Variants in CDH2 observed in about 807,000 individuals in gnomAD.
CDH2 encodes cadherin-2.
CDH2 carries 17 observed loss-of-function variants against 92.0 expected under a neutral mutation model. That is an observed-to-expected ratio of 0.18 (90% CI 0.13 to 0.28). The LOEUF (loss-of-function observed/expected upper bound fraction) is 0.28, where lower values mean the gene tolerates loss of function less well. CDH2 is among the 10% of genes least tolerant of loss of function. CDH2 has a pLI of 1.00. For synonymous variants in CDH2, 419 were observed against 415.9 expected, an observed-to-expected ratio of 1.01 and a Z score of -0.09; for missense variants, 862 against 1,133.1, an observed-to-expected ratio of 0.76 and a Z score of 3.44.
chr18:28,045,450 C>T (rs1361748676), intron 2 of CDH2: 2 of 467,722 alleles, frequency 4.3e-6, no homozygotes, highest in African/African-American at 2.0e-5. Context: ...AATGTGGCCA[C>T]AGCCTAAAAG....
chr18:28,115,713 G>A (rs1294253662), intron 2 of CDH2, among the ~76,000 whole-genome samples: 1 of 152,078 alleles, frequency 6.6e-6, no homozygotes, highest in East Asian at 1.9e-4. Flanking sequence ...TTAAAATGAT[G>A]ACTTCCATTT....
At chr18:28,030,647 GAC>G (rs1333622323) in intron 2 of CDH2, among the ~76,000 whole-genome samples, 8 of 152,020 alleles carry the variant, frequency 5.3e-5, no homozygotes, top group Admixed American at 4.6e-4. Context: ...ACATGAAGGT[GAC>G]AGGAAGCTGG....
rs17493807 is a variant in CDH2, at chr18:28,022,589, T to C, written c.173-8680A>G. On this transcript the variant is annotated intron_variant, in intron 2 of 15. Transcript: ENST00000269141. ...TTTCTCCAAATAATAGAAAGTTCTT[T>C]CTTGTCATGAGCCATGAGGGCTAAA... Among the ~76,000 whole-genome samples the C allele has an allele frequency of 9.1e-3, 1,385 of 152,170 alleles. 29 individuals carry two copies. The highest frequency in any genetic ancestry group is 0.032 in the African/African-American group (1,328 of 41,544).
rs1425603769 is a variant in CDH2 at position 28,007,490 on chromosome 18, ATCCTTTT to A, written c.703-1504_703-1498del. 5.2e-4 allele frequency among the ~76,000 whole-genome samples: 79 copies of A among 152,074 alleles called. 1 individual carries two copies. The highest frequency in any genetic ancestry group is 1.9e-3 in the African/African-American group (78 of 41,506). On this transcript the variant is annotated intron_variant, in intron 5 of 15. Transcript: ENST00000269141. ...ATCAAATTAAAAAAAGCTTCAACAT[ATCCTTTT>A]TTAAATTCAGAGGTTATTTAAACAC...
At chr18:27,986,676 A>G (rs369064517) in intron 11 of CDH2, among the ~76,000 whole-genome samples, 48 of 152,334 alleles carry the variant, frequency 3.2e-4, no homozygotes, top group Middle Eastern at 3.4e-3. Flanking sequence ...GAAGGTGCAC[A>G]TACATACACA....
At chr18:28,048,241 G>A (rs953694065) in intron 2 of CDH2, among the ~76,000 whole-genome samples, 1 of 151,566 alleles carries the variant, frequency 6.6e-6, no homozygotes, top group Admixed American at 6.6e-5. Flanking sequence ...TGCAGTTCTA[G>A]GTTTCAAGAT....
At chr18:28,032,990 G>A (rs1001943950) in intron 2 of CDH2, among the ~76,000 whole-genome samples, 1 of 152,058 alleles carries the variant, frequency 6.6e-6, no homozygotes, top group African/African-American at 2.4e-5. Context: ...AACATAATGG[G>A]CAAAACTAAA....
At chr18:28,074,167 G>A (rs1428853995) in intron 2 of CDH2, among the ~76,000 whole-genome samples, 1 of 152,042 alleles carries the variant, frequency 6.6e-6, no homozygotes, top group African/African-American at 2.4e-5. Flanking sequence ...TCATGTAAAG[G>A]TGAACTTAAT....
intron 14 of CDH2, among the ~76,000 whole-genome samples, chr18:27,971,825 C>T (rs1009698611): frequency 2.0e-5 from 3 of 152,134 alleles, no homozygotes; most frequent in African/African-American, 7.2e-5. Flanking sequence ...AAGTGGTCTC[C>T]ACAGTTATGT....
intron 15 of CDH2, among the ~76,000 whole-genome samples, chr18:27,957,542 G>A (rs1598987059): frequency 6.6e-6 from 1 of 151,974 alleles, no homozygotes; most frequent in East Asian, 1.9e-4. Flanking sequence ...GTGAGCTGCT[G>A]TGCCCGGCCT....
intron 6 of CDH2, among the ~76,000 whole-genome samples, chr18:28,005,115 C>T (rs879725753): frequency 6.6e-6 from 1 of 152,142 alleles, no homozygotes; most frequent in Non-Finnish European, 1.5e-5. Context: ...ATCCCTATAC[C>T]AACTGATTGT....
At chr18:27,944,492 A>G (rs576439618) in intron 6 of CDH2, among the ~76,000 whole-genome samples, 64 of 152,116 alleles carry the variant, frequency 4.2e-4, no homozygotes, top group Non-Finnish European at 3.7e-4. Flanking sequence ...TATATCAAAT[A>G]TATGTTGGCT....
chr18:27,956,015 A>G (rs1444749747), intron 15 of CDH2, among the ~76,000 whole-genome samples: 1 of 151,648 alleles, frequency 6.6e-6, no homozygotes, highest in African/African-American at 2.4e-5. Flanking sequence ...TATTATATAA[A>G]CTCTTGGTAA....
At chr18:28,023,514 A>G (rs953473189) in intron 2 of CDH2, among the ~76,000 whole-genome samples, 1 of 151,744 alleles carries the variant, frequency 6.6e-6, no homozygotes, top group Non-Finnish European at 1.5e-5. Context: ...TTAGTAGGAC[A>G]GGGTTTTACC....
Position 28,007,356 on chromosome 18 carries a change from C to A in CDH2, c.703-1363G>T, listed in dbSNP as rs114770959. Among the ~76,000 whole-genome samples the A allele has an allele frequency of 2.6e-4, 39 of 151,640 alleles. 1 individual carries two copies. In the East Asian group the frequency reaches 5.5e-3, roughly 21 times the overall value. On this transcript the variant is annotated intron_variant, in intron 5 of 15. Transcript: ENST00000269141. Reference sequence around the variant, plus strand: ...TCCTCTAGAATAGATTCATTTCATTCTTTCCAATGGCTGTTTAGTGCTCCT... The same window carrying A: ...TCCTCTAGAATAGATTCATTTCATTATTTCCAATGGCTGTTTAGTGCTCCT...
chr18:28,001,708 T>C (rs498195), intron 7 of CDH2, among the ~76,000 whole-genome samples: 1,604 of 152,324 alleles, frequency 0.011, 36 homozygotes, highest in African/African-American at 0.037. Flanking sequence ...TACAATGTCA[T>C]AGGCATACAC....
chr18:28,082,773 T>C (rs998903095), intron 2 of CDH2, among the ~76,000 whole-genome samples: 3 of 152,156 alleles, frequency 2.0e-5, no homozygotes, highest in Non-Finnish European at 1.5e-5. Flanking sequence ...AAAAATGCCT[T>C]ATTTGGGAGA....
At chr18:28,096,567 C>T (rs1284781746) in intron 2 of CDH2, among the ~76,000 whole-genome samples, 4 of 152,006 alleles carry the variant, frequency 2.6e-5, no homozygotes, top group Non-Finnish European at 5.9e-5. Context: ...TCCAAAAATA[C>T]ACCACAAGAA....
chr18:28,143,353 T>C (rs1029532728), intron 2 of CDH2, among the ~76,000 whole-genome samples: 2 of 151,978 alleles, frequency 1.3e-5, no homozygotes, highest in African/African-American at 4.8e-5. Context: ...AAATGTATGA[T>C]TGCAGTTATT....
Sources: allele counts gnomAD v4.1 joint callset (sites outside exome capture counted in the v4.1 genomes callset), GRCh38; gene constraint gnomAD v4.1.1; transcripts MANE v1.5; gene names NCBI Gene and HGNC (gene_info 2026-07-23, HGNC 2026-07-21).